The following GAB1 variants were observed in gnomAD, a reference collection of about 807,000 sequenced individuals.
The protein encoded by GAB1 is GRB2-associated-binding protein 1.
In GAB1, 19 loss-of-function variants were observed where a neutral mutation model predicts 66.5. The observed-to-expected ratio is 0.29, with a 90% CI of 0.20 to 0.42. GAB1 has a LOEUF of 0.42. Ranked by LOEUF, GAB1 falls within the 10% of genes least tolerant of loss-of-function variation. The probability of loss-of-function intolerance (pLI) is 1.00; values close to 1 mark genes in which losing one functional copy is unlikely to be tolerated. For missense variants in GAB1, 732 were observed against 858.5 expected (o/e 0.85, Z 1.84); for synonymous variants, 294 against 301.4 (o/e 0.98, Z 0.25).
intron 1 of GAB1, among the ~76,000 whole-genome samples, chr4:143,337,752 G>A (rs1239334616): frequency 2.0e-5 from 3 of 152,202 alleles, no homozygotes; most frequent in African/African-American, 7.2e-5. Context: ...GCGGGAAGCG[G>A]GCTGTGGAGC....
chr4:143,338,770 AATAT>A (rs1416114816), intron 1 of GAB1, among the ~76,000 whole-genome samples: 1 of 149,930 alleles, frequency 6.7e-6, no homozygotes, highest in Non-Finnish European at 1.5e-5. Context: ...TAGGGAGATA[AATAT>A]ATTTGTTTTG....
intron 1 of GAB1, among the ~76,000 whole-genome samples, chr4:143,384,653 G>C (rs564095895): frequency 6.0e-4 from 91 of 152,340 alleles, no homozygotes; most frequent in African/African-American, 2.1e-3. Context: ...TTCCTGGAGA[G>C]GGGAGAGCTC....
rs189077599 is a variant in GAB1 at position 143,395,647 on chromosome 4, G to A, written c.73-19830G>A. 402 of 272,502 alleles carry A rather than the reference G, an allele frequency of 1.5e-3. 6 individuals carry two copies. The highest frequency in any genetic ancestry group is 1.4e-3 in the Non-Finnish European group (191 of 137,974). The allele number at this position is 272,502 out of a possible 1,614,324, so 16.9% of individuals were successfully genotyped here. A position where few individuals can be genotyped will look rare whatever the true frequency, so the allele number is the denominator to read the frequency against. On this transcript the variant is annotated intron_variant, in intron 1 of 9. Coordinates refer to ENST00000262994, the MANE Select transcript of GAB1 (RefSeq NM_002039.4). The stretch of plus-strand genomic sequence containing the variant: ...TTGTAACTCTCCCTAAAATGTTTGT[G>A]AGAGCTTGTAAAATGTTGTTCACTT...
intron 1 of GAB1, among the ~76,000 whole-genome samples, chr4:143,408,501 A>T (rs1477176017): frequency 6.6e-6 from 1 of 152,114 alleles, no homozygotes; most frequent in Non-Finnish European, 1.5e-5. Flanking sequence ...TTTCACACAA[A>T]TGGAAGTATA....
chr4:143,457,909 A>C, intron 6 of GAB1: 2 of 581,974 alleles, frequency 3.4e-6, no homozygotes, highest in South Asian at 4.3e-5. Context: ...TTATTTCTAA[A>C]GTGAATGCTT....
intron 3 of GAB1, among the ~76,000 whole-genome samples, chr4:143,436,186 T>C (rs187739111): frequency 7.2e-5 from 11 of 152,250 alleles, no homozygotes; most frequent in Admixed American, 4.6e-4. Context: ...TACACCTAGT[T>C]GGTGAGAGAA....
chr4:143,384,802 G>C (rs1372290165), intron 1 of GAB1, among the ~76,000 whole-genome samples: 2 of 152,234 alleles, frequency 1.3e-5, no homozygotes, highest in South Asian at 4.1e-4. Flanking sequence ...TTGGCAGCTA[G>C]TAGGGCTGTC....
chr4:143,372,446 C>T (rs868523014), intron 1 of GAB1, among the ~76,000 whole-genome samples: 12 of 152,156 alleles, frequency 7.9e-5, no homozygotes, highest in African/African-American at 2.9e-4. Flanking sequence ...ATGAAACTTA[C>T]ATTGTAGTAG....
chr4:143,438,398 A>G lies in GAB1; in HGVS notation c.993A>G (p.Thr331=). 1 of 1,614,072 alleles carries G rather than the reference A, an allele frequency of 6.2e-7. No homozygotes were observed. Among genetic ancestry groups the G allele is most frequent in the Non-Finnish European group, 8.5e-7 (1 of 1,179,986 alleles). The change falls in exon 4 of 10, where the codon ACA becomes ACG. Residue 331 remains threonine, a synonymous_variant. Transcript: ENST00000262994. ...RTFPEGTLGQ[T]SKLDTIPDIP... is the part of the protein sequence containing the mutation. ...TTCCAGAAGGAACCTTGGGACAGAC[A>G]TCAAAGCTAGACACTATTCCAGATA...
At chr4:143,418,018 G>A (rs146217247) in intron 2 of GAB1, among the ~76,000 whole-genome samples, 288 of 152,312 alleles carry the variant, frequency 1.9e-3, no homozygotes, top group African/African-American at 6.5e-3. Context: ...TCAGGCCAGC[G>A]TGCCGCTTCC....
At chr4:143,417,388 G>A (rs981664093) in intron 2 of GAB1, 7 of 417,300 alleles carry the variant, frequency 1.7e-5, no homozygotes, top group Non-Finnish European at 2.9e-5. Flanking sequence ...ATTCTACCTC[G>A]GGTACTTTTT....
At chr4:143,357,909 T>G (rs1729512140) in intron 1 of GAB1, among the ~76,000 whole-genome samples, 1 of 152,034 alleles carries the variant, frequency 6.6e-6, no homozygotes, top group Non-Finnish European at 1.5e-5. Flanking sequence ...GAAGAATAAA[T>G]TTGAGCATTC....
chr4:143,447,454 A>G (rs1265657280), intron 6 of GAB1, among the ~76,000 whole-genome samples: 1 of 151,984 alleles, frequency 6.6e-6, no homozygotes. Context: ...ATTTGTTTGT[A>G]TCCTCTTTTA....
chr4:143,438,435 C>T lies in GAB1; in HGVS notation c.1030C>T (p.Arg344Trp), dbSNP rs779671407. Residue 344 changes from arginine to tryptophan, a missense_variant, in exon 4 of 10, where the codon CGG (arginine) becomes TGG (tryptophan). Coordinates refer to ENST00000262994, the MANE Select transcript of GAB1 (RefSeq NM_002039.4). ...CACTATTCCAGATATTCCTCCACCTCGGCCACCGAAACCACATCCAGCTCA... is the reference window on the plus strand; with the variant it reads ...CACTATTCCAGATATTCCTCCACCTTGGCCACCGAAACCACATCCAGCTCA... ...LDTIPDIPPPRPPKPHPAHDR... is the reference protein window; with the variant it reads ...LDTIPDIPPPWPPKPHPAHDR... 1.2e-6 allele frequency: 2 copies of T among 1,614,076 alleles called. No homozygotes were observed. The highest frequency in any genetic ancestry group is 1.7e-5 in the Admixed American group (1 of 60,006).
At chr4:143,405,209 A>G (rs1376516697) in intron 1 of GAB1, among the ~76,000 whole-genome samples, 1 of 152,174 alleles carries the variant, frequency 6.6e-6, no homozygotes, top group Non-Finnish European at 1.5e-5. Flanking sequence ...ACACACACAT[A>G]CACACAAATG....
chr4:143,409,095 G>A (rs890556746), intron 1 of GAB1, among the ~76,000 whole-genome samples: 20 of 152,312 alleles, frequency 1.3e-4, no homozygotes, highest in African/African-American at 4.6e-4. Flanking sequence ...GACTACTTGC[G>A]TGATGTTGCT....
intron 3 of GAB1, among the ~76,000 whole-genome samples, chr4:143,436,948 C>T (rs948219441): frequency 3.9e-5 from 6 of 152,018 alleles, no homozygotes; most frequent in African/African-American, 1.5e-4. Flanking sequence ...TGGCCATTCC[C>T]AGGGAGAGAG....
chr4:143,435,516 TCA>T lies in GAB1; in HGVS notation c.593+1802_593+1803del, dbSNP rs1425271163. Among the ~76,000 whole-genome samples, 4 of 152,238 alleles carry T rather than the reference TCA, an allele frequency of 2.6e-5. No homozygotes were observed. The South Asian group carries it at 8.3e-4, about 31-fold the overall frequency. On this transcript the variant is annotated intron_variant, in intron 3 of 9. Transcript: ENST00000262994. ...TTTTATATAGTGTATTTCATTGATT[TCA>T]CTGGTATCACAGCTTTCCTCTTGCA...
intron 6 of GAB1, among the ~76,000 whole-genome samples, chr4:143,442,842 C>G (rs1222135743): frequency 1.3e-5 from 2 of 151,738 alleles, no homozygotes; most frequent in Admixed American, 6.6e-5. Context: ...TCGTTGGCCA[C>G]ATTATTTATT....
Sources: gnomAD v4.1 joint callset for allele counts (sites outside exome capture counted in the v4.1 genomes callset) on GRCh38, gnomAD v4.1.1 for gene constraint, MANE v1.5 for transcripts, NCBI Gene and HGNC (gene_info 2026-07-23, HGNC 2026-07-21) for gene names.